The following EMC2 variants were observed in gnomAD, a reference collection of about 807,000 sequenced individuals.
EMC2 encodes ER membrane protein complex subunit 2.
In EMC2, 37 loss-of-function variants were observed where a neutral mutation model predicts 51.6. That is an observed-to-expected ratio of 0.72 (90% CI 0.55 to 0.94). EMC2 has a LOEUF of 0.94. Among genes scored for constraint, EMC2 ranks in the 40% least tolerant of loss-of-function variants. EMC2 has a pLI of 0.00. For missense variants in EMC2, 359 were observed against 350.9 expected (o/e 1.02, Z -0.18); for synonymous variants, 131 against 112.4 (o/e 1.17, Z -1.04).
chr8:108,467,760 G>A (rs1409995143), intron 5 of EMC2, among the ~76,000 whole-genome samples: 1 of 152,072 alleles, frequency 6.6e-6, no homozygotes. Flanking sequence ...CATCTCTGCT[G>A]TTGCAAATCC....
intron 5 of EMC2, chr8:108,464,145 A>C (rs1258834252): frequency 6.6e-6 from 1 of 152,268 alleles, no homozygotes; most frequent in Non-Finnish European, 1.5e-5. Flanking sequence ...AAGATGCTGC[A>C]GTGAATCCCA....
chr8:108,449,748 G>A (rs1563690543), intron 1 of EMC2, 75 bp from the exon 2 acceptor site: 6 of 614,228 alleles, frequency 9.8e-6, no homozygotes, highest in Middle Eastern at 3.0e-4. Context: ...GTCTTGTCAG[G>A]TTTTTGACAT....
intron 5 of EMC2, among the ~76,000 whole-genome samples, chr8:108,468,064 G>T (rs1254176599): frequency 6.6e-6 from 1 of 152,206 alleles, no homozygotes; most frequent in African/African-American, 2.4e-5. Flanking sequence ...CAGACATTAT[G>T]CTCTGTATAT....
intron 4 of EMC2, among the ~76,000 whole-genome samples, chr8:108,454,061 A>T: frequency 6.6e-6 from 1 of 152,082 alleles, no homozygotes; most frequent in East Asian, 1.9e-4. Context: ...GTGTTACAGC[A>T]TATCTTTCTC....
At chr8:108,469,941 G>T (rs767652138) in intron 6 of EMC2, 30 bp downstream of exon 6, 2 of 1,573,146 alleles carry the variant, frequency 1.3e-6, no homozygotes, top group East Asian at 2.2e-5. Flanking sequence ...ATTGTGTTTT[G>T]TTATTCTGAT....
intron 1 of EMC2, among the ~76,000 whole-genome samples, chr8:108,448,672 G>A (rs1818938220): frequency 6.6e-6 from 1 of 152,066 alleles, no homozygotes; most frequent in Non-Finnish European, 1.5e-5. Flanking sequence ...TCTTTCTTTT[G>A]TAAATTGCCC....
chr8:108,479,167 G>C (rs1261262694), intron 10 of EMC2, 57 bp downstream of exon 10: 2 of 1,035,240 alleles, frequency 1.9e-6, no homozygotes, highest in Non-Finnish European at 2.8e-6. Context: ...TCTTAGTTTT[G>C]TTACTACAAA....
intron 5 of EMC2, among the ~76,000 whole-genome samples, chr8:108,458,816 A>G (rs746663549): frequency 8.5e-5 from 13 of 152,164 alleles, no homozygotes; most frequent in African/African-American, 2.9e-4. Context: ...TACTTATGCA[A>G]ATTTCTGCAG....
intron 9 of EMC2, among the ~76,000 whole-genome samples, chr8:108,477,404 TAATA>T (rs1213240930): frequency 1.3e-5 from 2 of 151,984 alleles, no homozygotes; most frequent in African/African-American, 4.8e-5. Flanking sequence ...AAAAGTCAAT[TAATA>T]AGAGCTGTGG....
intron 7 of EMC2, chr8:108,470,986 T>C (rs1310758581): frequency 1.3e-5 from 2 of 151,980 alleles, no homozygotes; most frequent in African/African-American, 4.8e-5. Flanking sequence ...TAATGTGATC[T>C]AGAGGATTGA....
chr8:108,465,397 G>A (rs936370170), intron 5 of EMC2, among the ~76,000 whole-genome samples: 1 of 152,100 alleles, frequency 6.6e-6, no homozygotes. Context: ...AAACAATACT[G>A]TACTTTTTAG....
chr8:108,470,003 C>T, intron 6 of EMC2, 59 bp from the exon 7 acceptor site: 4 of 1,543,024 alleles, frequency 2.6e-6, no homozygotes, highest in Non-Finnish European at 3.6e-6. Flanking sequence ...TGTTTGTTTT[C>T]ATGCTGTTCA....
chr8:108,479,537 C>T (rs1811008980), intron 10 of EMC2, among the ~76,000 whole-genome samples: 1 of 152,102 alleles, frequency 6.6e-6, no homozygotes, highest in Non-Finnish European at 1.5e-5. Flanking sequence ...TCTGCTTACA[C>T]TTCAGATCCT....
intron 10 of EMC2, among the ~76,000 whole-genome samples, chr8:108,484,279 T>C (rs1469365894): frequency 3.9e-5 from 6 of 152,114 alleles, no homozygotes; most frequent in Non-Finnish European, 2.9e-5. Context: ...AGGGAAAAAA[T>C]GATTCTGACT....
At chr8:108,465,791 T>C (rs1819451755) in intron 5 of EMC2, among the ~76,000 whole-genome samples, 1 of 152,198 alleles carries the variant, frequency 6.6e-6, no homozygotes, top group African/African-American at 2.4e-5. Flanking sequence ...TGATATAATT[T>C]GTTTATTGAG....
At position 108,443,711 on chromosome 8, in the gene EMC2, G is replaced by A. The variant is rs751926019; in HGVS notation, c.40+13G>A. The A allele has an allele frequency of 6.2e-7, 1 of 1,604,154 alleles. No homozygotes were observed. ...GTCACTTGGGAAGGTAACTTCGGGTGGGGGCGGGTGCGGAAAGACTAAAAG... is the reference window on the plus strand; with the variant it reads ...GTCACTTGGGAAGGTAACTTCGGGTAGGGGCGGGTGCGGAAAGACTAAAAG... On this transcript the variant is annotated intron_variant, in intron 1 of 10. Coordinates refer to ENST00000220853, the MANE Select transcript of EMC2 (RefSeq NM_014673.5).
chr8:108,486,107 G>T (rs891391762), intron 10 of EMC2, among the ~76,000 whole-genome samples: 6 of 151,858 alleles, frequency 4.0e-5, no homozygotes, highest in African/African-American at 1.4e-4. Context: ...GTTTGAAATT[G>T]TAAAAATCTG....
intron 5 of EMC2, among the ~76,000 whole-genome samples, chr8:108,466,339 T>A (rs1298276109): frequency 6.6e-6 from 1 of 152,156 alleles, no homozygotes; most frequent in Non-Finnish European, 1.5e-5. Flanking sequence ...CTGTACTTGC[T>A]GCTGTTGAAG....
intron 4 of EMC2, among the ~76,000 whole-genome samples, chr8:108,455,391 T>A (rs1339358325): frequency 1.3e-5 from 2 of 152,186 alleles, no homozygotes; most frequent in Admixed American, 1.3e-4. Context: ...TGATTTCCAG[T>A]ATTTTCTTTT....
Sources: allele counts gnomAD v4.1 joint callset (sites outside exome capture counted in the v4.1 genomes callset), GRCh38; gene constraint gnomAD v4.1.1; transcripts MANE v1.5; gene names NCBI Gene and HGNC (gene_info 2026-07-23, HGNC 2026-07-21).